PGPEP1L: variants seen among roughly 807,000 people sequenced by gnomAD.
PGPEP1L encodes pyroglutamyl-peptidase I like.
PGPEP1L carries 7 observed loss-of-function variants against 6.0 expected under a neutral mutation model. That is an observed-to-expected ratio of 1.17 (90% CI 0.66 to 2.19). The LOEUF (loss-of-function observed/expected upper bound fraction) is 2.19, where lower values mean the gene tolerates loss of function less well. PGPEP1L is among the 30% of genes most tolerant of loss of function. The pLI, the probability that PGPEP1L is intolerant of heterozygous loss-of-function variation, is 0.00. For missense variants in PGPEP1L, 209 were observed against 192.5 expected (o/e 1.09, Z -0.51); for synonymous variants, 103 against 83.9 (o/e 1.23, Z -1.24).
chr15:98,969,323 G>A (rs948933531), intron 4 of PGPEP1L, 102 bp downstream of exon 4: 2 of 1,466,018 alleles, frequency 1.4e-6, no homozygotes, highest in Non-Finnish European at 1.9e-6. Flanking sequence ...TGGCCAAGTG[G>A]CCAGCTGGAC....
Position 98,968,700 on chromosome 15 carries a change from G to A in PGPEP1L, c.210-3C>T. ...AATAGGTATAATCACAGACGTATCTGCAACCACAGGAAATGCCACATTAAT... is the reference window on the plus strand; with the variant it reads ...AATAGGTATAATCACAGACGTATCTACAACCACAGGAAATGCCACATTAAT... On this transcript the variant is annotated splice_polypyrimidine_tract_variant and splice_region_variant and intron_variant, in intron 4 of 4. Transcript: ENST00000535714. The A allele has an allele frequency of 1.3e-6, 2 of 1,557,560 alleles. No individual in the cohort carries two copies. The highest frequency in any genetic ancestry group is 1.7e-6 in the Non-Finnish European group (2 of 1,150,298).
intron 2 of PGPEP1L, among the ~76,000 whole-genome samples, chr15:98,995,385 T>C (rs574417334): frequency 6.6e-6 from 1 of 152,200 alleles, no homozygotes; most frequent in Non-Finnish European, 1.5e-5. Flanking sequence ...TCACCTCCCA[T>C]ACAATTATCC....
chr15:98,969,304 G>A (rs966731570), intron 4 of PGPEP1L, 121 bp downstream of exon 4: 17 of 1,234,022 alleles, frequency 1.4e-5, no homozygotes, highest in African/African-American at 7.4e-5. Flanking sequence ...ATCTGGGGGC[G>A]GCACCGCATG....
At chr15:98,974,836 G>A (rs1008223301) in intron 2 of PGPEP1L, among the ~76,000 whole-genome samples, 1 of 152,196 alleles carries the variant, frequency 6.6e-6, no homozygotes, top group African/African-American at 2.4e-5. Context: ...GGCGGAGGCT[G>A]CAGTGAGCCA....
chr15:98,991,279 A>C (rs1428506837), intron 2 of PGPEP1L, among the ~76,000 whole-genome samples: 3 of 152,238 alleles, frequency 2.0e-5, no homozygotes, highest in Non-Finnish European at 4.4e-5. Context: ...AGGGGATATC[A>C]CCACCAATCC....
At position 99,005,524 on chromosome 15, in the gene PGPEP1L, C is replaced by G. The variant is rs368510643; in HGVS notation, c.-237G>C. On this transcript the variant is annotated 5_prime_UTR_variant, in exon 2 of 5. Coordinates refer to ENST00000535714, the MANE Select transcript of PGPEP1L (RefSeq NM_001167902.2). ...CTCAGGCAGCGGCCCAGCGGCCGGG[C>G]TCTGCGCGCTCTGAGCTCCGGGCAC... 4.9e-4 allele frequency: 74 copies of G among 152,454 alleles called. 1 individual carries two copies. Among genetic ancestry groups the G allele is most frequent in the African/African-American group, 1.8e-3 (73 of 41,596 alleles). The allele number at this position is 152,454 out of a possible 1,614,324, so 9.4% of individuals were successfully genotyped here.
At chr15:98,980,145 G>A (rs2017636645) in intron 2 of PGPEP1L, among the ~76,000 whole-genome samples, 1 of 152,148 alleles carries the variant, frequency 6.6e-6, no homozygotes, top group African/African-American at 2.4e-5. Context: ...ACTTACTCAT[G>A]TGACCAAATA....
intron 2 of PGPEP1L, among the ~76,000 whole-genome samples, chr15:99,003,164 C>T (rs1444566127): frequency 7.5e-6 from 1 of 134,204 alleles, no homozygotes; most frequent in African/African-American, 3.2e-5. Context: ...TTGGAAACAG[C>T]CAGAAAAAAA....
intron 2 of PGPEP1L, among the ~76,000 whole-genome samples, chr15:99,004,332 C>G (rs4966056): frequency 0.71 from 106,695 of 150,328 alleles, 38,288 homozygotes; most frequent in Non-Finnish European, 0.78. Context: ...TTACTTGAGC[C>G]CAGGAGTTTG....
chr15:98,997,440 T>C (rs1323334087), intron 2 of PGPEP1L, among the ~76,000 whole-genome samples: 3 of 152,164 alleles, frequency 2.0e-5, no homozygotes, highest in African/African-American at 7.2e-5. Context: ...ATGAAATTGA[T>C]GGCCAAGTGT....
At chr15:98,969,322 G>A (rs1443303830) in intron 4 of PGPEP1L, 103 bp downstream of exon 4, 1 of 1,448,760 alleles carries the variant, frequency 6.9e-7, no homozygotes, top group East Asian at 2.3e-5. Context: ...ATGGCCAAGT[G>A]GCCAGCTGGA....
At chr15:98,971,205 G>A (rs765185322) in intron 2 of PGPEP1L, 47 bp from the exon 3 acceptor site, 1 of 203,342 alleles carries the variant, frequency 4.9e-6, no homozygotes, top group Admixed American at 1.1e-4. Context: ...GGGGGGGGGG[G>A]GGGGGTGGGC....
At chr15:98,969,883 T>G (rs775037818) in intron 3 of PGPEP1L, among the ~76,000 whole-genome samples, 1 of 152,136 alleles carries the variant, frequency 6.6e-6, no homozygotes, top group South Asian at 2.1e-4. Flanking sequence ...TGCATTTACA[T>G]TTAAATGCTT....
chr15:98,992,634 G>A (rs2017834656), intron 2 of PGPEP1L, among the ~76,000 whole-genome samples: 1 of 152,124 alleles, frequency 6.6e-6, no homozygotes, highest in African/African-American at 2.4e-5. Context: ...AGCCTGCATA[G>A]CCAAGACAAT....
intron 2 of PGPEP1L, among the ~76,000 whole-genome samples, chr15:98,971,730 A>G (rs752493560): frequency 1.3e-5 from 2 of 152,236 alleles, no homozygotes; most frequent in Non-Finnish European, 2.9e-5. Flanking sequence ...TCACTGGCAC[A>G]AGTAAGAAAA....
intron 2 of PGPEP1L, among the ~76,000 whole-genome samples, chr15:98,988,197 G>A (rs1381003625): frequency 6.6e-6 from 1 of 152,144 alleles, no homozygotes; most frequent in Non-Finnish European, 1.5e-5. Context: ...GTCTGACTCA[G>A]TGGGTCCCAC....
chr15:98,994,073 C>A (rs890947634), intron 2 of PGPEP1L, among the ~76,000 whole-genome samples: 1 of 151,256 alleles, frequency 6.6e-6, no homozygotes, highest in Non-Finnish European at 1.5e-5. Flanking sequence ...CGAGACCATC[C>A]TGGCCAACAT....
chr15:98,981,495 A>C (rs988557332), intron 2 of PGPEP1L, among the ~76,000 whole-genome samples: 44 of 147,196 alleles, frequency 3.0e-4, no homozygotes, highest in Admixed American at 2.4e-3. Flanking sequence ...GTCTCAAAAA[A>C]AAAAAAAAAA....
chr15:98,989,218 A>AG (rs1187147063), intron 2 of PGPEP1L, among the ~76,000 whole-genome samples: 1 of 152,224 alleles, frequency 6.6e-6, no homozygotes, highest in Admixed American at 6.5e-5. Context: ...ACCCAATGTA[A>AG]GGAAGCTAAG....
Sources: gnomAD v4.1 joint callset for allele counts (sites outside exome capture counted in the v4.1 genomes callset) on GRCh38, gnomAD v4.1.1 for gene constraint, MANE v1.5 for transcripts, NCBI Gene and HGNC (gene_info 2026-07-23, HGNC 2026-07-21) for gene names.